FAM178B: variants seen among roughly 807,000 people sequenced by gnomAD.
The protein encoded by FAM178B is protein FAM178B.
A neutral mutation model predicts 91.7 loss-of-function variants in FAM178B; 82 were observed. The ratio of observed to expected loss-of-function variants is 0.89; its 90% CI spans 0.75 to 1.07. The LOEUF (loss-of-function observed/expected upper bound fraction) is 1.07, where lower values mean the gene tolerates loss of function less well. Ranked by LOEUF, FAM178B falls within the 50% of genes least tolerant of loss-of-function variation. The pLI, the probability that FAM178B is intolerant of heterozygous loss-of-function variation, is 0.00. For synonymous variants in FAM178B, 368 were observed against 359.4 expected (o/e 1.02, Z -0.27); for missense variants, 769 against 846.7 (o/e 0.91, Z 1.14).
At position 96,972,198 on chromosome 2, in the gene FAM178B, T is replaced by G. The variant is rs1389455828; in HGVS notation, c.267A>C (p.Pro89=). Residue 89 remains proline, a synonymous_variant, in exon 3 of 17, where the codon CCA becomes CCC. Coordinates refer to ENST00000490605, the MANE Select transcript of FAM178B (RefSeq NM_001122646.3). ...TGGGCTTCTTTGGCGATGTGGGAGC[T>G]GGAGCCGAGGCAGGGCTGCAGGGCC... ...ARRPCSPASA[P]APTSPKKPKI... 8.4e-6 allele frequency: 13 copies of G among 1,546,196 alleles called. No homozygotes were observed. In the East Asian group the frequency reaches 2.7e-4, roughly 32 times the overall value.
At chr2:96,916,956 C>T (rs774089398) in intron 12 of FAM178B, among the ~76,000 whole-genome samples, 1 of 152,160 alleles carries the variant, frequency 6.6e-6, no homozygotes, top group Non-Finnish European at 1.5e-5. Flanking sequence ...CTGTGGCCGC[C>T]GCGGGAAGCA....
chr2:96,921,307 T>C (rs1180126085), intron 11 of FAM178B, 45 bp from the exon 12 acceptor site: 2 of 1,535,772 alleles, frequency 1.3e-6, no homozygotes, highest in Non-Finnish European at 8.8e-7. Context: ...GACACCGCCT[T>C]CCCCTTGCTC....
At chr2:96,941,068 C>T (rs182701032) in intron 8 of FAM178B, among the ~76,000 whole-genome samples, 140 of 152,206 alleles carry the variant, frequency 9.2e-4, no homozygotes, top group African/African-American at 1.3e-3. Context: ...GAAAGAAATA[C>T]GGTATAGATA....
At chr2:96,929,689 C>A (rs1032404341) in intron 8 of FAM178B, among the ~76,000 whole-genome samples, 16 of 152,192 alleles carry the variant, frequency 1.1e-4, no homozygotes, top group African/African-American at 3.4e-4. Flanking sequence ...TCACTGGACA[C>A]CAGGCTCACG....
chr2:96,947,967 T>A, intron 7 of FAM178B, 65 bp from the exon 8 acceptor site: 1 of 799,170 alleles, frequency 1.3e-6, no homozygotes, highest in Non-Finnish European at 2.1e-6. Flanking sequence ...GAAGCAATAG[T>A]AGCAAACTTC....
At chr2:96,922,286 TA>T (rs2081354792) in intron 10 of FAM178B, among the ~76,000 whole-genome samples, 1 of 152,154 alleles carries the variant, frequency 6.6e-6, no homozygotes, top group Non-Finnish European at 1.5e-5. Context: ...AATCAAGAAA[TA>T]ACCATAAAAA....
intron 8 of FAM178B, among the ~76,000 whole-genome samples, chr2:96,946,424 G>C (rs904294479): frequency 5.9e-5 from 9 of 152,148 alleles, no homozygotes; most frequent in African/African-American, 2.2e-4. Flanking sequence ...AATGGACCGG[G>C]CCTCTCACTT....
At chr2:96,930,555 G>C (rs1323325808) in intron 8 of FAM178B, among the ~76,000 whole-genome samples, 1 of 152,170 alleles carries the variant, frequency 6.6e-6, no homozygotes, top group Non-Finnish European at 1.5e-5. Context: ...GGAGTCCCAC[G>C]AGGGCAGGGG....
chr2:96,977,989 G>A (rs780835317), intron 1 of FAM178B: 16 of 444,136 alleles, frequency 3.6e-5, no homozygotes, highest in Non-Finnish European at 6.3e-5. Flanking sequence ...GCACTTTGAA[G>A]TCCATCAGAG....
chr2:96,966,104 A>C (rs1449103031), intron 5 of FAM178B, among the ~76,000 whole-genome samples: 2 of 152,004 alleles, frequency 1.3e-5, no homozygotes, highest in African/African-American at 4.8e-5. Flanking sequence ...AAAGCCTCCA[A>C]GAGCCAGTGC....
At chr2:96,877,645 T>G in intron 16 of FAM178B, 2 of 498,152 alleles carry the variant, frequency 4.0e-6, no homozygotes, top group Non-Finnish European at 7.3e-6. Flanking sequence ...TCCGCCCGCC[T>G]CAGTCTCCCA....
intron 4 of FAM178B, among the ~76,000 whole-genome samples, chr2:96,969,498 GC>G (rs1288271679): frequency 1.3e-5 from 2 of 152,176 alleles, no homozygotes; most frequent in African/African-American, 4.8e-5. Context: ...TATTGTTTAA[GC>G]CCCCAGTGTG....
intron 1 of FAM178B, among the ~76,000 whole-genome samples, chr2:96,985,717 C>T (rs938991294): frequency 6.6e-6 from 1 of 152,104 alleles, no homozygotes. Context: ...GTTTTATATC[C>T]ATCCTTTTAA....
intron 8 of FAM178B, among the ~76,000 whole-genome samples, chr2:96,941,397 G>T (rs2081727996): frequency 6.6e-6 from 1 of 152,100 alleles, no homozygotes. Flanking sequence ...TGGGAAGGAG[G>T]AATAAAGAAA....
At chr2:96,936,774 A>G (rs989653625) in intron 8 of FAM178B, among the ~76,000 whole-genome samples, 1 of 151,496 alleles carries the variant, frequency 6.6e-6, no homozygotes, top group African/African-American at 2.4e-5. Context: ...TCCTCCCAAA[A>G]TGCTGGGATT....
chr2:96,962,247 A>G (rs1171946316), intron 5 of FAM178B, among the ~76,000 whole-genome samples: 1 of 152,140 alleles, frequency 6.6e-6, no homozygotes, highest in Non-Finnish European at 1.5e-5. Flanking sequence ...TGTTGCGGTA[A>G]GCCGAGATTG....
intron 14 of FAM178B, among the ~76,000 whole-genome samples, chr2:96,881,734 C>A (rs973182509): frequency 2.0e-5 from 2 of 99,958 alleles, no homozygotes; most frequent in East Asian, 5.2e-4. Flanking sequence ...ATTGAATCTG[C>A]AGGGGGCAGG....
intron 13 of FAM178B, chr2:96,898,017 C>T (rs2080856279): frequency 1.0e-6 from 1 of 985,532 alleles, no homozygotes; most frequent in Non-Finnish European, 1.2e-6. Flanking sequence ...GTGGGAGATA[C>T]AGAGCCCAGC....
Position 96,877,965 on chromosome 2 carries a change from G to A in FAM178B, c.1932C>T (p.His644=), listed in dbSNP as rs768513381. ...TAGCCAGGTCCTTGAGCATGGTGCG[G>A]TGCATGGCCTGGGGGCTCTCCCGGA... ...TQIRESPQAM[H]RTMLKDLATQ... is the part of the protein sequence containing the mutation. The change falls in exon 16 of 17, where the codon CAC becomes CAT. Residue 644 remains histidine, a synonymous_variant. Transcript: ENST00000490605. The A allele has an allele frequency of 6.2e-7, 1 of 1,613,834 alleles. No homozygotes were observed. The highest frequency in any genetic ancestry group is 1.1e-5 in the South Asian group (1 of 91,086).
Sources: gnomAD v4.1 joint callset for allele counts (sites outside exome capture counted in the v4.1 genomes callset) on GRCh38, gnomAD v4.1.1 for gene constraint, MANE v1.5 for transcripts, NCBI Gene and HGNC (gene_info 2026-07-23, HGNC 2026-07-21) for gene names.